The following DNMT1 variants were observed in gnomAD, a reference collection of about 807,000 sequenced individuals.
The protein encoded by DNMT1 is DNA (cytosine-5)-methyltransferase 1.
Under a neutral mutation model 205.3 loss-of-function variants are expected in DNMT1, and 24 were observed. The observed-to-expected ratio is 0.12, with a 90% CI of 0.08 to 0.16. The LOEUF (loss-of-function observed/expected upper bound fraction) is 0.16, where lower values mean the gene tolerates loss of function less well. Ranked by LOEUF, DNMT1 falls within the 10% of genes least tolerant of loss-of-function variation. The pLI is 1.00. For synonymous variants in DNMT1, 817 were observed against 839.8 expected (o/e 0.97, Z 0.47); for missense variants, 1,293 against 2,177.7 (o/e 0.59, Z 8.09).
chr19:10,159,615 GC>G lies in DNMT1; in HGVS notation c.1280+42del. ...AGCCCGCAGGCACCTCTGGGGATGT[GC>G]CTCCTTCCACGAAGCAAACATGCAC... is the stretch of plus-strand genomic sequence containing the variant. On this transcript the variant is annotated intron_variant, in intron 17 of 40. Coordinates refer to ENST00000359526, the MANE Select transcript of DNMT1 (RefSeq NM_001130823.3). This position sits in a 1 kb window ranked among gnomAD's most constrained non-coding sequence, Gnocchi z 5.0. The G allele has an allele frequency of 6.3e-7, 1 of 1,596,844 alleles. No individual in the cohort carries two copies. The highest frequency in any genetic ancestry group is 8.6e-7 in the Non-Finnish European group (1 of 1,164,786).
rs1233155491 is a variant in DNMT1, at chr19:10,143,801, C to A, written c.3081G>T (p.Glu1027Asp). 3 of 1,614,032 alleles carry A rather than the reference C, an allele frequency of 1.9e-6. No homozygotes were observed. Among genetic ancestry groups the A allele is most frequent in the Non-Finnish European group, 2.5e-6 (3 of 1,180,026 alleles). ...TGTTGACCCGGATTTTGATGTCAGT[C>A]TCATTGGGCCTGCCGTTGCTCTTCT... is the stretch of plus-strand genomic sequence containing the variant. ...CPKKSNGRPNETDIKIRVNKF... is the reference protein window; with the variant it reads ...CPKKSNGRPNDTDIKIRVNKF... Residue 1027 changes from glutamate to aspartate, a missense_variant, in exon 29 of 41, where the codon GAG (glutamate) becomes GAT (aspartate). Around this residue, in one of 13 missense-constraint regions of DNMT1, gnomAD observed 167 missense variants for 258.1 expected, o/e 0.65. Transcript: ENST00000359526.
Position 10,194,918 on chromosome 19 carries a change from C to G in DNMT1, c.-19G>C. On this transcript the variant is annotated 5_prime_UTR_variant, in exon 1 of 41. Coordinates refer to ENST00000359526, the MANE Select transcript of DNMT1 (RefSeq NM_001130823.3). Reference sequence around the variant, plus strand: ...CCGGCATCTCGGAGGCTTCAGCAGACGCGGCGGCGGCAGCGCAGGCGCCCC... The same window carrying G: ...CCGGCATCTCGGAGGCTTCAGCAGAGGCGGCGGCGGCAGCGCAGGCGCCCC... 6.3e-7 allele frequency: 1 copy of G among 1,599,324 alleles called. No individual in the cohort carries two copies. Among genetic ancestry groups the G allele is most frequent in the East Asian group, 2.3e-5 (1 of 44,432 alleles).
At chr19:10,184,742 C>T (rs1053524050) in intron 1 of DNMT1, among the ~76,000 whole-genome samples, 4 of 152,142 alleles carry the variant, frequency 2.6e-5, no homozygotes, top group African/African-American at 7.2e-5. Context: ...CTACAGACTG[C>T]GGGGTGAGAA....
chr19:10,184,921 G>C (rs148408582), intron 1 of DNMT1, among the ~76,000 whole-genome samples: 21 of 152,212 alleles, frequency 1.4e-4, no homozygotes, highest in South Asian at 4.1e-4. Context: ...CCTTCCTAGA[G>C]GGTAAGTGCA....
intron 7 of DNMT1, among the ~76,000 whole-genome samples, chr19:10,175,084 TACACACACACAC>T (rs201133845): frequency 2.7e-4 from 31 of 113,954 alleles, no homozygotes; most frequent in African/African-American, 5.7e-4. Context: ...CATACATACA[TACACACACACAC>T]ACACACACAC....
At chr19:10,181,132 A>G (rs2039037812) in intron 2 of DNMT1, among the ~76,000 whole-genome samples, 1 of 152,148 alleles carries the variant, frequency 6.6e-6, no homozygotes, top group Non-Finnish European at 1.5e-5. Context: ...ATCATGGTTT[A>G]TAAGAATAAT....
In DNMT1 at chr19:10,133,381, C is replaced by T; in HGVS notation, c.*286G>A. ...GAGAGATTTATTTGAAGAAATATTA[C>T]AACATATAAAAACTACATAAAGTCT... On this transcript the variant is annotated 3_prime_UTR_variant, in exon 41 of 41. Transcript: ENST00000359526. This position sits in a 1 kb window ranked among gnomAD's most constrained non-coding sequence, Gnocchi z 4.1. The T allele has an allele frequency of 2.0e-6, 1 of 502,550 alleles. No individual in the cohort carries two copies. The highest frequency in any genetic ancestry group is 3.6e-6 in the Non-Finnish European group (1 of 280,510). 31.1% of individuals were successfully genotyped at this position (502,550 alleles called of 1,614,324 possible).
chr19:10,177,200 G>A (rs1352532907), intron 6 of DNMT1, 92 bp downstream of exon 6: 14 of 1,161,216 alleles, frequency 1.2e-5, no homozygotes, highest in Non-Finnish European at 1.7e-5. Context: ...TATACAACAC[G>A]GAAGACAGAA....
chr19:10,173,049 T>A (rs752835500), intron 9 of DNMT1, 41 bp downstream of exon 9: 7 of 1,611,168 alleles, frequency 4.3e-6, no homozygotes, highest in African/African-American at 1.3e-5. Context: ...CCATATAGGA[T>A]TAAGGGAGAA....
intron 1 of DNMT1, among the ~76,000 whole-genome samples, chr19:10,182,294 C>A (rs541136797): frequency 1.3e-5 from 2 of 151,856 alleles, no homozygotes; most frequent in African/African-American, 4.8e-5. Flanking sequence ...CAAGGTTCCC[C>A]TTTTGGGGGT....
chr19:10,193,595 T>C (rs1333651526), intron 1 of DNMT1, among the ~76,000 whole-genome samples: 1 of 145,698 alleles, frequency 6.9e-6, no homozygotes, highest in East Asian at 2.0e-4. Context: ...AACTCCTGGC[T>C]CAAGAGATTC....
chr19:10,174,682 G>C (rs976434834), intron 7 of DNMT1, among the ~76,000 whole-genome samples: 1 of 151,608 alleles, frequency 6.6e-6, no homozygotes, highest in African/African-American at 2.4e-5. Context: ...ACTCCATCCT[G>C]AGTGAAAGAG....
At chr19:10,191,531 T>C (rs1158467413) in intron 1 of DNMT1, among the ~76,000 whole-genome samples, 1 of 152,126 alleles carries the variant, frequency 6.6e-6, no homozygotes, top group African/African-American at 2.4e-5. Flanking sequence ...GCTCACCTAA[T>C]GGTATTCCAA....
rs2145284239 is a variant in DNMT1, at chr19:10,146,784, A to G, written c.2721-260T>C. ...GACAAAAACCCTAAGATATCAATGA[A>G]CAGGGTCTAGAATATGGTTAAGAAC... On this transcript the variant is annotated intron_variant, in intron 27 of 40. Transcript: ENST00000359526. This position sits in a 1 kb window ranked among gnomAD's most constrained non-coding sequence, Gnocchi z 4.4. 6.6e-6 allele frequency among the ~76,000 whole-genome samples: 1 copy of G among 152,324 alleles called. No homozygotes were observed. Among genetic ancestry groups the G allele is most frequent in the Non-Finnish European group, 1.5e-5 (1 of 68,030 alleles).
chr19:10,187,401 G>T (rs1015867452), intron 1 of DNMT1, among the ~76,000 whole-genome samples: 1 of 151,944 alleles, frequency 6.6e-6, no homozygotes, highest in Non-Finnish European at 1.5e-5. Context: ...CCAGGAATTC[G>T]AGACTAGCCT....
Position 10,149,491 on chromosome 19 carries a change from C to T in DNMT1, c.2548G>A (p.Val850Ile), listed in dbSNP as rs2038288966. Reference sequence around the variant, plus strand: ...TTTTCGGAGGGGGCTTTGTAGATGACTTTCACTTTGCTGTGGATATATGAA... The same window carrying T: ...TTTTCGGAGGGGGCTTTGTAGATGATTTTCACTTTGCTGTGGATATATGAA... ...QLSYIHSKVK[V>I]IYKAPSENWA... The change falls in exon 26 of 41, where the codon GTC (valine) becomes ATC (isoleucine). Residue 850 changes from valine (V) to isoleucine (I), a missense_variant. Around this residue, in one of 13 missense-constraint regions of DNMT1, gnomAD observed 197 missense variants for 353.6 expected, o/e 0.56. Transcript: ENST00000359526. The T allele has an allele frequency of 6.2e-7, 1 of 1,613,992 alleles. No homozygotes were observed. Among genetic ancestry groups the T allele is most frequent in the Admixed American group, 1.7e-5 (1 of 59,980 alleles).
At chr19:10,135,265 G>A (rs976521868) in intron 39 of DNMT1, among the ~76,000 whole-genome samples, 1 of 137,618 alleles carries the variant, frequency 7.3e-6, no homozygotes, top group Admixed American at 8.2e-5. Context: ...CCAGATTCGG[G>A]GGGAGGGGTG....
intron 5 of DNMT1, 131 bp downstream of exon 5, chr19:10,180,056 G>A (rs957888038): frequency 4.7e-6 from 2 of 423,948 alleles, no homozygotes; most frequent in African/African-American, 2.0e-5. Flanking sequence ...GCTTATGCCT[G>A]TAATCCCAGC....
chr19:10,180,402 G>A lies in DNMT1; in HGVS notation c.393C>T (p.Pro131=), dbSNP rs143904813. ...TCCTGGGCGTGCGAGGTTTGGAAAG[G>A]GGTTTGGGGGGGCTGTTGGCATCTG... ...GMADANSPPK[P]LSKPRTPRRS... The change falls in exon 4 of 41, where the codon CCC becomes CCT. Residue 131 remains proline, a synonymous_variant. Coordinates refer to ENST00000359526, the MANE Select transcript of DNMT1 (RefSeq NM_001130823.3). 518 of 1,613,986 alleles carry A rather than the reference G, an allele frequency of 3.2e-4. 1 individual carries two copies. The highest frequency in any genetic ancestry group is 4.9e-4 in the Middle Eastern group (3 of 6,062).
Sources: allele counts gnomAD v4.1 joint callset (sites outside exome capture counted in the v4.1 genomes callset), GRCh38; gene constraint gnomAD v4.1.1; regional missense constraint gnomAD v4.1.1; non-coding constraint Gnocchi (gnomAD v3.1); transcripts MANE v1.5; gene names NCBI Gene and HGNC (gene_info 2026-07-23, HGNC 2026-07-21).